Variants in DSCAM observed in about 807,000 individuals in gnomAD.
The protein encoded by DSCAM is DS cell adhesion molecule.
Under a neutral mutation model 217.7 loss-of-function variants are expected in DSCAM, and 47 were observed. The ratio of observed to expected loss-of-function variants is 0.22; its 90% CI spans 0.17 to 0.28. DSCAM has a LOEUF of 0.28. DSCAM is among the 10% of genes least tolerant of loss of function. The pLI is 1.00. For missense variants in DSCAM, 2,080 were observed against 2,618.3 expected, an observed-to-expected ratio of 0.79 and a Z score of 4.49; for synonymous variants, 1,056 against 1,015.3, an observed-to-expected ratio of 1.04 and a Z score of -0.76.
chr21:40,360,467 C>T (rs116567346), intron 4 of DSCAM, among the ~76,000 whole-genome samples: 4,537 of 151,994 alleles, frequency 0.03, 232 homozygotes, highest in African/African-American at 0.1. Context: ...AAACTCTCTG[C>T]CTTCCACAGT....
At chr21:40,680,900 C>T (rs867415409) in intron 3 of DSCAM, among the ~76,000 whole-genome samples, 4 of 152,050 alleles carry the variant, frequency 2.6e-5, no homozygotes, top group Admixed American at 1.3e-4. Flanking sequence ...GAACTACACA[C>T]ACTGAAATAT....
chr21:40,102,071 A>G (rs2146612045), intron 20 of DSCAM, among the ~76,000 whole-genome samples: 1 of 149,566 alleles, frequency 6.7e-6, no homozygotes, highest in Admixed American at 6.8e-5. Context: ...GGGAGCAAGA[A>G]GTGACCACAG....
intron 1 of DSCAM, among the ~76,000 whole-genome samples, chr21:40,819,967 C>T (rs1391117492): frequency 1.3e-5 from 2 of 152,020 alleles, no homozygotes; most frequent in Non-Finnish European, 2.9e-5. Context: ...TGGGATAAGG[C>T]AGGAAGTTGA....
rs1028890674 is a variant in DSCAM at position 40,211,995 on chromosome 21, A to T, written c.2357-22757T>A. Among the ~76,000 whole-genome samples, 5 of 144,406 alleles carry T rather than the reference A, an allele frequency of 3.5e-5. No individual in the cohort carries two copies. In the East Asian group the frequency reaches 1.0e-3, roughly 29 times the overall value. The allele number at this position is 144,406 out of a possible 152,430, so 94.7% of individuals were successfully genotyped here. A position where few individuals can be genotyped will look rare whatever the true frequency, so the allele number is the denominator to read the frequency against. On this transcript the variant is annotated intron_variant, in intron 11 of 32. Transcript: ENST00000400454. ...TTTTTTGGTGTGGGGGGTGGGAGGG[A>T]GTCTTGCTCTGTTGCCCAGGCTGGA... is the stretch of plus-strand genomic sequence containing the variant.
chr21:40,399,815 C>T (rs1055837908), intron 3 of DSCAM, among the ~76,000 whole-genome samples: 1 of 152,248 alleles, frequency 6.6e-6, no homozygotes, highest in African/African-American at 2.4e-5. Flanking sequence ...AAACCTCACA[C>T]TGCCCTTAAG....
At chr21:40,020,234 G>A (rs749328728) in intron 32 of DSCAM, among the ~76,000 whole-genome samples, 1 of 152,130 alleles carries the variant, frequency 6.6e-6, no homozygotes, top group Non-Finnish European at 1.5e-5. Flanking sequence ...CATATAAGAT[G>A]TGCCTGTCAC....
At chr21:40,605,527 C>A (rs13051317) in intron 3 of DSCAM, among the ~76,000 whole-genome samples, 13,433 of 152,094 alleles carry the variant, frequency 0.088, 668 homozygotes, top group South Asian at 0.16. Flanking sequence ...TATTGCAGCT[C>A]CTGAAGTGTC....
At chr21:40,770,455 T>C (rs770488623) in intron 1 of DSCAM, among the ~76,000 whole-genome samples, 6 of 152,208 alleles carry the variant, frequency 3.9e-5, no homozygotes, top group Non-Finnish European at 8.8e-5. Context: ...AATACAGTGA[T>C]GATCTTGTAT....
At chr21:40,662,393 C>A (rs1369335729) in intron 3 of DSCAM, among the ~76,000 whole-genome samples, 3 of 152,026 alleles carry the variant, frequency 2.0e-5, no homozygotes, top group Non-Finnish European at 4.4e-5. Context: ...TTGAGACTGG[C>A]ATATTTAAAT....
intron 32 of DSCAM, among the ~76,000 whole-genome samples, chr21:40,023,749 TTGTAGATTC>T (rs2088321635): frequency 6.1e-5 from 1 of 16,362 alleles, no homozygotes; most frequent in Admixed American, 6.6e-4. Flanking sequence ...TTTGAGTTCA[TTGTAGATTC>T]TGGATATTAG....
intron 3 of DSCAM, among the ~76,000 whole-genome samples, chr21:40,514,893 T>C (rs1477967810): frequency 6.6e-6 from 1 of 152,212 alleles, no homozygotes; most frequent in African/African-American, 2.4e-5. Context: ...CAGCTGATCA[T>C]TCTGGCCCCA....
intron 3 of DSCAM, among the ~76,000 whole-genome samples, chr21:40,374,614 A>G (rs2074931829): frequency 6.6e-6 from 1 of 152,220 alleles, no homozygotes; most frequent in African/African-American, 2.4e-5. Context: ...AGGATCACAG[A>G]CATCTGCTAT....
intron 3 of DSCAM, among the ~76,000 whole-genome samples, chr21:40,689,248 C>A (rs978898466): frequency 6.6e-6 from 1 of 152,182 alleles, no homozygotes; most frequent in Non-Finnish European, 1.5e-5. Context: ...AAGACAAATA[C>A]CCATTTACCT....
At chr21:40,709,837 T>C (rs1457888438) in intron 1 of DSCAM, among the ~76,000 whole-genome samples, 1 of 152,220 alleles carries the variant, frequency 6.6e-6, no homozygotes, top group Admixed American at 6.5e-5. Context: ...TAATTTATAA[T>C]CTTTTGGGTG....
At chr21:40,037,844 G>A (rs2088656624) in intron 32 of DSCAM, among the ~76,000 whole-genome samples, 1 of 142,222 alleles carries the variant, frequency 7.0e-6, no homozygotes, top group East Asian at 2.0e-4. Flanking sequence ...ACAGAACAGA[G>A]CCCTCAGAAA....
intron 32 of DSCAM, among the ~76,000 whole-genome samples, chr21:40,018,922 G>A (rs755324697): frequency 6.6e-6 from 1 of 152,224 alleles, no homozygotes; most frequent in African/African-American, 2.4e-5. Flanking sequence ...ACAAAGTTGT[G>A]TGATTCTCTA....
intron 23 of DSCAM, 49 bp downstream of exon 23, chr21:40,085,553 A>G: frequency 7.2e-7 from 1 of 1,395,830 alleles, no homozygotes; most frequent in Non-Finnish European, 9.5e-7. Context: ...TTTGCATAGA[A>G]AGCATACATG....
intron 3 of DSCAM, among the ~76,000 whole-genome samples, chr21:40,527,631 C>A (rs574007141): frequency 3.0e-4 from 46 of 152,278 alleles, no homozygotes; most frequent in African/African-American, 1.1e-3. Context: ...GCCTAAATTG[C>A]CAGTTCACAC....
intron 3 of DSCAM, among the ~76,000 whole-genome samples, chr21:40,541,824 T>C (rs974519277): frequency 2.6e-5 from 4 of 152,158 alleles, no homozygotes; most frequent in South Asian, 2.1e-4. Context: ...GCAAAATGTA[T>C]TGCACTGAAA....
Sources: gnomAD v4.1 joint callset for allele counts (sites outside exome capture counted in the v4.1 genomes callset) on GRCh38, gnomAD v4.1.1 for gene constraint, MANE v1.5 for transcripts, NCBI Gene and HGNC (gene_info 2026-07-23, HGNC 2026-07-21) for gene names.